The following AKT3 variants were observed in gnomAD, a reference collection of about 807,000 sequenced individuals.
AKT3 encodes the protein AKT serine/threonine kinase 3.
In AKT3, 15 loss-of-function variants were observed where a neutral mutation model predicts 65.3. That is an observed-to-expected ratio of 0.23 (90% CI 0.15 to 0.35). The LOEUF is 0.35. AKT3 is among the 10% of genes least tolerant of loss of function. AKT3 has a pLI of 1.00. For missense variants in AKT3, 243 were observed against 576.5 expected (o/e 0.42, Z 5.92); for synonymous variants, 206 against 183.8 (o/e 1.12, Z -0.98).
At chr1:243,848,282 G>A (rs1292914957) in intron 1 of AKT3, among the ~76,000 whole-genome samples, 1 of 152,162 alleles carries the variant, frequency 6.6e-6, no homozygotes, top group Non-Finnish European at 1.5e-5. Context: ...TCAAGATAAT[G>A]TACTGGCAAA....
intron 2 of AKT3, among the ~76,000 whole-genome samples, chr1:243,807,921 A>G (rs1187980197): frequency 1.3e-5 from 2 of 152,206 alleles, no homozygotes. Context: ...CCAGGCAAAC[A>G]GTGTCTGAAG....
At chr1:243,648,253 G>A (rs1244166717) in intron 4 of AKT3, among the ~76,000 whole-genome samples, 95 of 145,978 alleles carry the variant, frequency 6.5e-4, no homozygotes, top group African/African-American at 2.2e-3. Flanking sequence ...GCAAGACTCC[G>A]TCTAAAAAAA....
intron 2 of AKT3, among the ~76,000 whole-genome samples, chr1:243,825,505 T>C (rs1385855494): frequency 1.3e-5 from 2 of 152,180 alleles, no homozygotes; most frequent in African/African-American, 4.8e-5. Flanking sequence ...CATTAAAATA[T>C]GTGGCTTTAA....
chr1:243,569,658 T>C (rs1674415885), intron 9 of AKT3, among the ~76,000 whole-genome samples: 1 of 152,240 alleles, frequency 6.6e-6, no homozygotes, highest in Non-Finnish European at 1.5e-5. Context: ...ATACTGTAAA[T>C]GGTTAACTAT....
intron 10 of AKT3, among the ~76,000 whole-genome samples, chr1:243,554,314 C>T (rs1305807782): frequency 6.6e-6 from 1 of 152,052 alleles, no homozygotes; most frequent in African/African-American, 2.4e-5. Context: ...GGCTAAAAAA[C>T]TGAAAACTTC....
Position 243,667,636 on chromosome 1 carries a change from G to A in AKT3, c.173-2753C>T, listed in dbSNP as rs185683183. ...GAATAGCTTTTCCCTGCCCCTCACT[G>A]CAGTCTGTTCTCAACACAGCAGCCA... On this transcript the variant is annotated intron_variant, in intron 3 of 13. Transcript: ENST00000673466. 1.5e-3 allele frequency among the ~76,000 whole-genome samples: 228 copies of A among 152,216 alleles called. 1 individual carries two copies. Among genetic ancestry groups the A allele is most frequent in the African/African-American group, 5.3e-3 (220 of 41,550 alleles).
intron 2 of AKT3, among the ~76,000 whole-genome samples, chr1:243,738,918 C>T (rs1460780853): frequency 6.6e-6 from 1 of 152,132 alleles, no homozygotes; most frequent in Admixed American, 6.5e-5. Flanking sequence ...TCTGCCATTC[C>T]GCTACCATAC....
intron 5 of AKT3, among the ~76,000 whole-genome samples, chr1:243,642,335 A>G (rs910142705): frequency 6.6e-6 from 1 of 152,192 alleles, no homozygotes; most frequent in Non-Finnish European, 1.5e-5. Flanking sequence ...TTTGAGACGG[A>G]GTCTCGCTCT....
At chr1:243,610,979 T>C (rs1677828354) in intron 8 of AKT3, among the ~76,000 whole-genome samples, 1 of 152,218 alleles carries the variant, frequency 6.6e-6, no homozygotes, top group African/African-American at 2.4e-5. Context: ...AATGCTGCAA[T>C]GAGTATACTT....
chr1:243,628,795 A>G (rs1679376892), intron 6 of AKT3, among the ~76,000 whole-genome samples: 1 of 152,216 alleles, frequency 6.6e-6, no homozygotes, highest in Non-Finnish European at 1.5e-5. Context: ...TCACACTATA[A>G]CTGACTGATG....
intron 12 of AKT3, among the ~76,000 whole-genome samples, chr1:243,527,649 A>T (rs1339240648): frequency 2.6e-5 from 4 of 152,064 alleles, no homozygotes. Context: ...CTATCCCTAC[A>T]TGTGACAGTC....
At chr1:243,552,182 G>A (rs1481526395) in intron 11 of AKT3, among the ~76,000 whole-genome samples, 2 of 149,332 alleles carry the variant, frequency 1.3e-5, no homozygotes, top group African/African-American at 2.4e-5. Context: ...CCAGCCACTC[G>A]GGAGGCTGAG....
At chr1:243,619,625 C>T (rs1036401339) in intron 6 of AKT3, among the ~76,000 whole-genome samples, 1 of 99,156 alleles carries the variant, frequency 1.0e-5, no homozygotes, top group African/African-American at 2.6e-5. Context: ...TGGCTTATTT[C>T]ACTTAACATA....
In AKT3 at chr1:243,618,561, A is replaced by G. The variant is rs929267908; in HGVS notation, c.562-3400T>C. On this transcript the variant is annotated intron_variant, in intron 6 of 13. Coordinates refer to ENST00000673466, the MANE Select transcript of AKT3 (RefSeq NM_005465.7). The stretch of plus-strand genomic sequence containing the variant: ...ATCCATCTGTTGATCATAATTATGA[A>G]GAGTTCTAGAAATGCTTGGGGATAC... Among the ~76,000 whole-genome samples the G allele has an allele frequency of 1.6e-3, 240 of 152,280 alleles. 7 individuals carry two copies. The highest frequency in any genetic ancestry group is 0.016 in the Admixed American group (238 of 15,280).
At chr1:243,507,540 G>T (rs1465173928) in intron 13 of AKT3, among the ~76,000 whole-genome samples, 1 of 152,166 alleles carries the variant, frequency 6.6e-6, no homozygotes, top group Non-Finnish European at 1.5e-5. Flanking sequence ...GCGGTGGGAG[G>T]GGAGCTGGAG....
intron 2 of AKT3, among the ~76,000 whole-genome samples, chr1:243,766,434 C>A (rs1689829616): frequency 6.6e-6 from 1 of 152,136 alleles, no homozygotes; most frequent in Non-Finnish European, 1.5e-5. Context: ...ATTGGCTTCA[C>A]AAAGAATTAA....
At chr1:243,728,313 A>G (rs1240724273) in intron 2 of AKT3, among the ~76,000 whole-genome samples, 1 of 152,210 alleles carries the variant, frequency 6.6e-6, no homozygotes, top group Non-Finnish European at 1.5e-5. Context: ...TTCTCAGTAC[A>G]TACTATCCTT....
At chr1:243,730,614 G>A (rs959301397) in intron 2 of AKT3, among the ~76,000 whole-genome samples, 4 of 152,210 alleles carry the variant, frequency 2.6e-5, no homozygotes, top group African/African-American at 9.6e-5. Flanking sequence ...CATGTGACAG[G>A]AAGTGGCAGT....
At chr1:243,507,799 A>T (rs1031610682) in intron 13 of AKT3, among the ~76,000 whole-genome samples, 12 of 152,238 alleles carry the variant, frequency 7.9e-5, no homozygotes, top group African/African-American at 2.9e-4. Flanking sequence ...AGTAAAAGCG[A>T]CCAGATCTCA....
Sources: gnomAD v4.1 joint callset for allele counts (sites outside exome capture counted in the v4.1 genomes callset) on GRCh38, gnomAD v4.1.1 for gene constraint, MANE v1.5 for transcripts, NCBI Gene and HGNC (gene_info 2026-07-23, HGNC 2026-07-21) for gene names.